The following TNR variants were observed in gnomAD, a reference collection of about 807,000 sequenced individuals.
TNR encodes the protein tenascin-R.
TNR carries 45 observed loss-of-function variants against 150.4 expected under a neutral mutation model. The ratio of observed to expected loss-of-function variants is 0.30; its 90% CI spans 0.24 to 0.38. TNR has a LOEUF of 0.38. Ranked by LOEUF, TNR falls within the 10% of genes least tolerant of loss-of-function variation. The pLI is 1.00. For synonymous variants in TNR, 687 were observed against 678.4 expected (o/e 1.01, Z -0.20); for missense variants, 1,544 against 1,759.1 (o/e 0.88, Z 2.19).
intron 2 of TNR, among the ~76,000 whole-genome samples, chr1:175,438,303 A>T (rs1655614119): frequency 6.6e-6 from 1 of 152,238 alleles, no homozygotes; most frequent in Non-Finnish European, 1.5e-5. Flanking sequence ...ATAGATGTAG[A>T]AAAGGCCTTT....
chr1:175,346,703 G>T (rs1227339632), intron 18 of TNR, among the ~76,000 whole-genome samples: 2 of 151,792 alleles, frequency 1.3e-5, no homozygotes. Context: ...ATTTATAAAG[G>T]GTCAAAACTG....
Position 175,335,811 on chromosome 1 carries a change from T to G in TNR, c.3535-4A>C. Reference sequence around the variant, plus strand: ...CATTCTGCCGCCTCTGGAATACCTATGAAGGAAATAAAAAAACAAAAAACA... The same window carrying G: ...CATTCTGCCGCCTCTGGAATACCTAGGAAGGAAATAAAAAAACAAAAAACA... On this transcript the variant is annotated splice_polypyrimidine_tract_variant and splice_region_variant and intron_variant, in intron 19 of 22. Transcript: ENST00000367674. The G allele has an allele frequency of 6.2e-7, 1 of 1,605,518 alleles. No individual in the cohort carries two copies. Among genetic ancestry groups the G allele is most frequent in the Non-Finnish European group, 8.5e-7 (1 of 1,177,836 alleles).
chr1:175,449,881 TCA>T (rs1360478606), intron 2 of TNR, among the ~76,000 whole-genome samples: 1 of 152,174 alleles, frequency 6.6e-6, no homozygotes, highest in East Asian at 1.9e-4. Flanking sequence ...CCCAGAAGTC[TCA>T]GTTTTTCTGC....
chr1:175,407,539 T>G (rs1462745722), intron 2 of TNR, among the ~76,000 whole-genome samples: 1 of 152,176 alleles, frequency 6.6e-6, no homozygotes, highest in Non-Finnish European at 1.5e-5. Context: ...GCAAATCAGT[T>G]TTACAGAAAT....
chr1:175,446,941 T>C (rs1656079113), intron 2 of TNR, among the ~76,000 whole-genome samples: 1 of 152,208 alleles, frequency 6.6e-6, no homozygotes, highest in South Asian at 2.1e-4. Context: ...GCATGTGTGT[T>C]ATATGTATGT....
At chr1:175,733,340 C>CAG (rs1221204349) in intron 1 of TNR, among the ~76,000 whole-genome samples, 2 of 152,154 alleles carry the variant, frequency 1.3e-5, no homozygotes, top group South Asian at 2.1e-4. Context: ...AGGGTGAGTG[C>CAG]AGAGAGAGAG....
intron 1 of TNR, among the ~76,000 whole-genome samples, chr1:175,666,718 G>T (rs773042421): frequency 2.5e-4 from 38 of 152,264 alleles, no homozygotes; most frequent in African/African-American, 8.7e-4. Flanking sequence ...CCTTGCTTTC[G>T]AATCAAAACT....
chr1:175,357,296 T>C (rs1411609961), intron 15 of TNR, among the ~76,000 whole-genome samples: 1 of 152,236 alleles, frequency 6.6e-6, no homozygotes, highest in African/African-American at 2.4e-5. Flanking sequence ...AAGCTGTTGA[T>C]AAAACTGTTC....
intron 2 of TNR, among the ~76,000 whole-genome samples, chr1:175,415,061 T>C (rs1274356887): frequency 6.6e-6 from 1 of 151,844 alleles, no homozygotes; most frequent in Non-Finnish European, 1.5e-5. Flanking sequence ...TTCCAGCTTC[T>C]GCCATTTGTG....
intron 15 of TNR, among the ~76,000 whole-genome samples, chr1:175,359,015 A>T (rs749490979): frequency 2.6e-5 from 4 of 151,668 alleles, no homozygotes; most frequent in Non-Finnish European, 5.9e-5. Context: ...TCTGAGTTTC[A>T]TCTTCCTAGG....
At chr1:175,326,537 T>A (rs1289570849) in intron 21 of TNR, among the ~76,000 whole-genome samples, 1 of 152,178 alleles carries the variant, frequency 6.6e-6, no homozygotes, top group East Asian at 1.9e-4. Context: ...GTCTTCCCCT[T>A]CCAGTCTCCA....
intron 2 of TNR, among the ~76,000 whole-genome samples, chr1:175,451,211 T>TTG: frequency 7.1e-6 from 1 of 140,740 alleles, no homozygotes; most frequent in Non-Finnish European, 1.6e-5. Flanking sequence ...TTAGTTTTTT[T>TTG]TTTTTAATGT....
intron 16 of TNR, 118 bp from the exon 17 acceptor site, chr1:175,355,751 C>A: frequency 7.1e-7 from 1 of 1,404,512 alleles, no homozygotes; most frequent in African/African-American, 1.4e-5. Flanking sequence ...CACATGCTGA[C>A]CCCTGCTCTG....
intron 21 of TNR, 104 bp from the exon 22 acceptor site, chr1:175,324,623 A>C: frequency 7.4e-7 from 1 of 1,347,122 alleles, no homozygotes; most frequent in East Asian, 2.3e-5. Flanking sequence ...CCACTTATGG[A>C]ACCTTTTCAT....
intron 2 of TNR, among the ~76,000 whole-genome samples, chr1:175,410,507 C>T (rs1405891791): frequency 3.3e-5 from 5 of 152,110 alleles, no homozygotes; most frequent in Non-Finnish European, 5.9e-5. Flanking sequence ...GCAACTCTGC[C>T]GGGGGCTGCA....
At chr1:175,392,170 T>G (rs1228005596) in intron 6 of TNR, among the ~76,000 whole-genome samples, 3 of 129,866 alleles carry the variant, frequency 2.3e-5, no homozygotes, top group Non-Finnish European at 5.1e-5. Flanking sequence ...AATCTAGGAT[T>G]TATTATCTAT....
intron 2 of TNR, among the ~76,000 whole-genome samples, chr1:175,472,040 A>G (rs1450589336): frequency 6.6e-6 from 1 of 152,118 alleles, no homozygotes; most frequent in Non-Finnish European, 1.5e-5. Flanking sequence ...CAGGAGGCTG[A>G]GGCAGGAGGA....
In TNR at chr1:175,429,142, G is replaced by T. The variant is rs1655144980; in HGVS notation, c.-63-22365C>A. Among the ~76,000 whole-genome samples, 4 of 152,150 alleles carry T rather than the reference G, an allele frequency of 2.6e-5. No homozygotes were observed. The South Asian group carries it at 8.3e-4, about 32-fold the overall frequency. On this transcript the variant is annotated intron_variant, in intron 2 of 22. Coordinates refer to ENST00000367674, the MANE Select transcript of TNR (RefSeq NM_003285.3). ...AGAAGCAAAGCAAAGGGAGAAAAAA[G>T]TATCTGTAAGGGGTTCCTTGTGTCA...
intron 2 of TNR, among the ~76,000 whole-genome samples, chr1:175,409,706 T>C (rs939532137): frequency 6.6e-6 from 1 of 152,152 alleles, no homozygotes; most frequent in Non-Finnish European, 1.5e-5. Flanking sequence ...TCCTATAATA[T>C]GAGAGGGAAA....
Sources: gnomAD v4.1 joint callset for allele counts (sites outside exome capture counted in the v4.1 genomes callset) on GRCh38, gnomAD v4.1.1 for gene constraint, MANE v1.5 for transcripts, NCBI Gene and HGNC (gene_info 2026-07-23, HGNC 2026-07-21) for gene names.